Variants in CFAP54 observed in about 807,000 individuals in gnomAD.
CFAP54 encodes the protein cilia- and flagella-associated protein 54.
Under a neutral mutation model 370.4 loss-of-function variants are expected in CFAP54, and 290 were observed. That is an observed-to-expected ratio of 0.78 (90% CI 0.71 to 0.86). CFAP54 has a LOEUF of 0.86. CFAP54 is among the 40% of genes least tolerant of loss of function. CFAP54 has a pLI of 0.00. For synonymous variants in CFAP54, 1,206 were observed against 1,236.5 expected (o/e 0.98, Z 0.52); for missense variants, 3,399 against 3,528.7 (o/e 0.96, Z 0.93).
intron 48 of CFAP54, among the ~76,000 whole-genome samples, chr12:96,709,277 C>G (rs952755769): frequency 4.6e-5 from 7 of 152,234 alleles, no homozygotes; most frequent in African/African-American, 1.7e-4. Context: ...ATGTGTACCT[C>G]CACTCGTGCA....
chr12:96,563,192 TA>T (rs1263228777), intron 17 of CFAP54, among the ~76,000 whole-genome samples: 1 of 152,220 alleles, frequency 6.6e-6, no homozygotes, highest in African/African-American at 2.4e-5. Context: ...GTTTTGATCA[TA>T]GACCACTTAA....
At chr12:96,759,424 G>A (rs1023936097) in intron 58 of CFAP54, among the ~76,000 whole-genome samples, 2 of 152,012 alleles carry the variant, frequency 1.3e-5, no homozygotes, top group African/African-American at 2.4e-5. Context: ...GTTAGAATCT[G>A]AATGAAAACA....
chr12:96,851,069 C>T (rs1207951445), intron 66 of CFAP54, among the ~76,000 whole-genome samples: 1 of 152,094 alleles, frequency 6.6e-6, no homozygotes. Flanking sequence ...AATACTTTAC[C>T]TTTTAATGCT....
chr12:96,825,144 C>T (rs371122830), intron 65 of CFAP54, among the ~76,000 whole-genome samples: 3 of 148,028 alleles, frequency 2.0e-5, no homozygotes, highest in African/African-American at 5.0e-5. Flanking sequence ...AGGAAGTCTT[C>T]CATGTTTCTA....
intron 23 of CFAP54, among the ~76,000 whole-genome samples, chr12:96,591,679 G>A (rs1231938610): frequency 6.6e-6 from 1 of 152,050 alleles, no homozygotes; most frequent in Non-Finnish European, 1.5e-5. Context: ...CACGAGGTCA[G>A]GAGATCGAGA....
intron 8 of CFAP54, 126 bp from the exon 9 acceptor site, chr12:96,527,120 C>A: frequency 1.3e-6 from 1 of 782,618 alleles, no homozygotes; most frequent in Non-Finnish European, 1.9e-6. Context: ...TGGTCTTGAA[C>A]TCCTTGGGTC....
At chr12:96,726,458 TG>T (rs1426547506) in intron 50 of CFAP54, among the ~76,000 whole-genome samples, 12 of 152,258 alleles carry the variant, frequency 7.9e-5, no homozygotes, top group Admixed American at 7.8e-4. Flanking sequence ...CTAGTTTATT[TG>T]CGTAGAGGTG....
chr12:96,494,053 A>AC (rs1286570088), intron 1 of CFAP54, among the ~76,000 whole-genome samples: 3 of 152,154 alleles, frequency 2.0e-5, no homozygotes, highest in Non-Finnish European at 4.4e-5. Flanking sequence ...TTAGAAGGAC[A>AC]CCTGGGATTT....
intron 63 of CFAP54, among the ~76,000 whole-genome samples, chr12:96,796,066 C>T (rs957569496): frequency 3.9e-5 from 6 of 152,172 alleles, no homozygotes; most frequent in African/African-American, 1.4e-4. Context: ...CCCTCAGATT[C>T]CCCAGTGAGG....
chr12:96,835,794 G>A (rs1959184303), intron 66 of CFAP54, among the ~76,000 whole-genome samples: 1 of 152,182 alleles, frequency 6.6e-6, no homozygotes, highest in South Asian at 2.1e-4. Flanking sequence ...GGCAGCTGCA[G>A]CTATCCCTGG....
intron 65 of CFAP54, among the ~76,000 whole-genome samples, chr12:96,826,538 A>G (rs574757246): frequency 4.1e-5 from 4 of 97,898 alleles, no homozygotes; most frequent in Non-Finnish European, 7.3e-5. Context: ...TATATATTAT[A>G]TATATAATTT....
chr12:96,808,052 T>G (rs1052359170), intron 63 of CFAP54, among the ~76,000 whole-genome samples: 2 of 152,210 alleles, frequency 1.3e-5, no homozygotes, highest in African/African-American at 4.8e-5. Flanking sequence ...TATTTCTGCC[T>G]TCTTCTTTCC....
Position 96,547,941 on chromosome 12 carries a change from C to T in CFAP54, c.2117C>T (p.Ala706Val), listed in dbSNP as rs767660747. Residue 706 changes from alanine to valine, a missense_variant, in exon 15 of 68, where the codon GCT becomes GTT. Coordinates refer to ENST00000524981, the MANE Select transcript of CFAP54 (RefSeq NM_001306084.2). Reference sequence around the variant, plus strand: ...GAAGGGACTAACAAATTCCCTGGAGCTCCAAAAGGGATCACAGAAATTCTT... The same window carrying T: ...GAAGGGACTAACAAATTCCCTGGAGTTCCAAAAGGGATCACAGAAATTCTT... The part of the protein sequence containing the change: ...LREGTNKFPG[A>V]PKGITEILPI... 9 of 1,502,920 alleles carry T rather than the reference C, an allele frequency of 6.0e-6. No homozygotes were observed. Among genetic ancestry groups the T allele is most frequent in the South Asian group, 5.0e-5 (4 of 79,482 alleles). The allele number at this position is 1,502,920 out of a possible 1,614,324, so 93.1% of individuals were successfully genotyped here. A position where few individuals can be genotyped will look rare whatever the true frequency, so the allele number is the denominator to read the frequency against.
intron 8 of CFAP54, among the ~76,000 whole-genome samples, chr12:96,522,986 G>T (rs553598251): frequency 1.3e-5 from 2 of 152,092 alleles, no homozygotes; most frequent in African/African-American, 4.8e-5. Context: ...TGGGGCCCTC[G>T]GCCCTTTTTC....
chr12:96,640,386 T>C (rs1303180913), intron 32 of CFAP54, among the ~76,000 whole-genome samples: 3 of 152,180 alleles, frequency 2.0e-5, no homozygotes, highest in Non-Finnish European at 4.4e-5. Flanking sequence ...AAGGACCTCT[T>C]CAAGGAGAAC....
At chr12:96,764,311 A>G in intron 59 of CFAP54, 62 bp downstream of exon 59, 1 of 1,257,570 alleles carries the variant, frequency 8.0e-7, no homozygotes, top group Non-Finnish European at 1.1e-6. Context: ...CTGCCTTTAA[A>G]GAACACAATA....
At chr12:96,698,312 A>C (rs901361148) in intron 45 of CFAP54, among the ~76,000 whole-genome samples, 11 of 152,184 alleles carry the variant, frequency 7.2e-5, no homozygotes, top group African/African-American at 2.7e-4. Flanking sequence ...TATCGCTATA[A>C]ATTGATTAAT....
At chr12:96,603,742 C>T (rs907107453) in intron 26 of CFAP54, among the ~76,000 whole-genome samples, 4 of 152,142 alleles carry the variant, frequency 2.6e-5, no homozygotes, top group Admixed American at 6.5e-5. Context: ...TCCACTTGAT[C>T]GAATCGGCTA....
Position 96,717,704 on chromosome 12 carries a change from C to T in CFAP54, c.6725-739C>T, listed in dbSNP as rs527498963. 1.5e-4 allele frequency among the ~76,000 whole-genome samples: 23 copies of T among 152,296 alleles called. No homozygotes were observed. The East Asian group carries it at 2.5e-3, about 17-fold the overall frequency. ...GATTATGCTCTTCCAGCTGGTCTCA[C>T]GCTCAGCTCTTAGACTGAGGGGCTT... On this transcript the variant is annotated intron_variant, in intron 48 of 67. Transcript: ENST00000524981.
Sources: gnomAD v4.1 joint callset for allele counts (sites outside exome capture counted in the v4.1 genomes callset) on GRCh38, gnomAD v4.1.1 for gene constraint, MANE v1.5 for transcripts, NCBI Gene and HGNC (gene_info 2026-07-23, HGNC 2026-07-21) for gene names.